The following ARHGAP22 variants were observed in gnomAD, a reference collection of about 807,000 sequenced individuals.
ARHGAP22 encodes the protein Rho GTPase activating protein 22.
ARHGAP22 carries 48 observed loss-of-function variants against 59.1 expected under a neutral mutation model. That is an observed-to-expected ratio of 0.81 (90% confidence interval 0.64 to 1.03). The LOEUF (loss-of-function observed/expected upper bound fraction) is 1.03, where lower values mean the gene tolerates loss of function less well. ARHGAP22 is among the 50% of genes least tolerant of loss of function. The probability of loss-of-function intolerance (pLI) is 0.00; values close to 1 mark genes in which losing one functional copy is unlikely to be tolerated. For missense variants in ARHGAP22, 1,015 were observed against 958.7 expected, an observed-to-expected ratio of 1.06 and a Z score of -0.78; for synonymous variants, 445 against 416.4, an observed-to-expected ratio of 1.07 and a Z score of -0.84.
chr10:48,576,907 C>G (rs1239164878), intron 2 of ARHGAP22, among the ~76,000 whole-genome samples: 1 of 82,540 alleles, frequency 1.2e-5, no homozygotes, highest in Non-Finnish European at 2.4e-5. Flanking sequence ...ACCCATCCCT[C>G]CCCACACCGC....
At chr10:48,609,581 T>C (rs991418566), upstream of ARHGAP22, among the ~76,000 whole-genome samples, 1 of 152,174 alleles carries the variant, frequency 6.6e-6, no homozygotes, top group Admixed American at 6.5e-5. Flanking sequence ...AGTCATTTCA[T>C]AGTTGGTCCT....
At chr10:48,611,667 G>A (rs2060889212) in intron 1 of ARHGAP22, among the ~76,000 whole-genome samples, 1 of 151,864 alleles carries the variant, frequency 6.6e-6, no homozygotes, top group African/African-American at 2.4e-5. Flanking sequence ...AGAAAGAGTG[G>A]AAATTTCCCA....
chr10:48,460,489 G>A (rs879591565), intron 4 of ARHGAP22, among the ~76,000 whole-genome samples: 3 of 152,208 alleles, frequency 2.0e-5, no homozygotes, highest in Non-Finnish European at 2.9e-5. Context: ...ACAAGTGTTG[G>A]CAAGGATGTG....
chr10:48,654,680 G>A (rs1433853779), upstream of ARHGAP22, among the ~76,000 whole-genome samples: 1 of 11,678 alleles, frequency 8.6e-5, no homozygotes, highest in African/African-American at 9.4e-5. Flanking sequence ...TGTGGTGTGT[G>A]TGTTTAAGTG....
chr10:48,613,960 C>T (rs2060988858), intron 1 of ARHGAP22, among the ~76,000 whole-genome samples: 1 of 152,206 alleles, frequency 6.6e-6, no homozygotes, highest in Non-Finnish European at 1.5e-5. Context: ...CTTGAATGCT[C>T]TCTCTTGCCC....
chr10:48,513,856 G>A (rs376961651), intron 3 of ARHGAP22, among the ~76,000 whole-genome samples: 1 of 152,054 alleles, frequency 6.6e-6, no homozygotes, highest in Non-Finnish European at 1.5e-5. Context: ...ATCAGCTACT[G>A]TAAATATGTT....
chr10:48,495,002 T>G (rs2050773593), intron 3 of ARHGAP22, among the ~76,000 whole-genome samples: 1 of 152,198 alleles, frequency 6.6e-6, no homozygotes. Context: ...GTCAAGGAGC[T>G]GCGCCCTCCC....
the ARHGAP22 span, among the ~76,000 whole-genome samples, chr10:48,433,177 T>C: frequency 6.6e-6 from 1 of 152,216 alleles, no homozygotes; most frequent in Non-Finnish European, 1.5e-5. Context: ...ACTGTATTGC[T>C]TTAAAGAGAA....
chr10:48,547,512 G>A (rs945187869), intron 3 of ARHGAP22, among the ~76,000 whole-genome samples: 14 of 152,196 alleles, frequency 9.2e-5, no homozygotes, highest in Admixed American at 6.5e-4. Flanking sequence ...GCTGGCCCCC[G>A]AGTCTCCTGA....
the ARHGAP22 span, chr10:48,430,829 C>A: frequency 8.4e-6 from 2 of 237,126 alleles, no homozygotes; most frequent in African/African-American, 2.3e-5. Flanking sequence ...CAGTAAGACA[C>A]GTGGTTCAAG....
chr10:48,542,785 G>T (rs2056080988), intron 3 of ARHGAP22, among the ~76,000 whole-genome samples: 1 of 152,210 alleles, frequency 6.6e-6, no homozygotes, highest in East Asian at 1.9e-4. Context: ...CCTAGTGCAT[G>T]GCAGAGTGGA....
Position 48,493,492 on chromosome 10 carries a change from G to A in ARHGAP22, c.323-13728C>T, listed in dbSNP as rs1452331932. 10 of 1,535,762 alleles carry A rather than the reference G, an allele frequency of 6.5e-6. No homozygotes were observed. The East Asian group carries it at 1.5e-4, about 23-fold the overall frequency. On this transcript the variant is annotated intron_variant, in intron 3 of 9. Coordinates refer to ENST00000249601, the MANE Select transcript of ARHGAP22 (RefSeq NM_021226.4). ...ACACCTGATGGGCCAGAAGGGCATG[G>A]TGTGGAGCAGCGGGGGCTGCAGTGA...
intron 1 of ARHGAP22, among the ~76,000 whole-genome samples, chr10:48,635,038 C>T (rs1205445615): frequency 6.6e-6 from 1 of 152,144 alleles, no homozygotes; most frequent in Non-Finnish European, 1.5e-5. Context: ...TGTGAAAGCC[C>T]TGGGGCCCGA....
chr10:48,634,557 C>T (rs1332691202), intron 1 of ARHGAP22, among the ~76,000 whole-genome samples: 1 of 152,152 alleles, frequency 6.6e-6, no homozygotes, highest in African/African-American at 2.4e-5. Context: ...GGTGGGTGAG[C>T]CTGGGCTTCC....
At chr10:48,526,568 C>T (rs571722595) in intron 3 of ARHGAP22, among the ~76,000 whole-genome samples, 1 of 152,298 alleles carries the variant, frequency 6.6e-6, no homozygotes, top group South Asian at 2.1e-4. Flanking sequence ...AATGAGGCCC[C>T]AGGAATTCCA....
At chr10:48,472,738 C>T (rs907963754) in intron 4 of ARHGAP22, among the ~76,000 whole-genome samples, 2 of 151,960 alleles carry the variant, frequency 1.3e-5, no homozygotes, top group Non-Finnish European at 2.9e-5. Flanking sequence ...CACTAGATGT[C>T]CCCTTGGCTC....
At chr10:48,558,472 C>T (rs1359529635) in intron 2 of ARHGAP22, among the ~76,000 whole-genome samples, 2 of 151,940 alleles carry the variant, frequency 1.3e-5, no homozygotes, top group Non-Finnish European at 2.9e-5. Context: ...CAGTGAGCCT[C>T]CCACCTCGAC....
upstream of ARHGAP22, among the ~76,000 whole-genome samples, chr10:48,654,793 T>A (rs1239606020): frequency 1.7e-5 from 2 of 120,188 alleles, no homozygotes; most frequent in Non-Finnish European, 3.7e-5. Flanking sequence ...TTTCTTTCTT[T>A]CTTTCTTTCT....
At chr10:48,596,740 T>G (rs10745280) in intron 1 of ARHGAP22, among the ~76,000 whole-genome samples, 143,562 of 152,244 alleles carry the variant, frequency 0.94, 68,005 homozygotes, top group Non-Finnish European at 1. Context: ...CCCATTCTGG[T>G]GTCTCTCTCG....
Sources: gnomAD v4.1 joint callset for allele counts (sites outside exome capture counted in the v4.1 genomes callset) on GRCh38, gnomAD v4.1.1 for gene constraint, MANE v1.5 for transcripts, NCBI Gene and HGNC (gene_info 2026-07-23, HGNC 2026-07-21) for gene names.